The following PIGH variants were observed in gnomAD, a reference collection of about 807,000 sequenced individuals.
PIGH encodes phosphatidylinositol N-acetylglucosaminyltransferase subunit H.
A neutral mutation model predicts 20.1 loss-of-function variants in PIGH; 11 were observed. The observed-to-expected ratio is 0.55, with a 90% CI of 0.34 to 0.91. The LOEUF (loss-of-function observed/expected upper bound fraction) is 0.91, where lower values mean the gene tolerates loss of function less well. PIGH is among the 40% of genes least tolerant of loss of function. PIGH has a pLI of 0.02. For missense variants in PIGH, 189 were observed against 233.6 expected, an observed-to-expected ratio of 0.81 and a Z score of 1.24; for synonymous variants, 72 against 93.1, an observed-to-expected ratio of 0.77 and a Z score of 1.31.
chr14:67,598,604 T>C (rs8007199), intron 1 of PIGH, among the ~76,000 whole-genome samples: 63,850 of 151,986 alleles, frequency 0.42, 15,466 homozygotes, highest in Non-Finnish European at 0.56. Context: ...ACCACATACA[T>C]AGGCTATAAG....
rs982964938 is a variant in PIGH at position 67,589,871 on chromosome 14, G to A, written c.*209C>T. The A allele has an allele frequency of 8.8e-5, 107 of 1,221,848 alleles. No homozygotes were observed. Among genetic ancestry groups the A allele is most frequent in the African/African-American group, 3.1e-5 (2 of 64,262 alleles). The allele number at this position is 1,221,848 out of a possible 1,614,324, so 75.7% of individuals were successfully genotyped here. On this transcript the variant is annotated 3_prime_UTR_variant, in exon 4 of 4. Transcript: ENST00000216452. ...AGGTCTCCCCTCCTTTGGTAAAGTA[G>A]GCAAAACCTTACAAGGAAAACACTA...
Position 67,593,828 on chromosome 14 carries a change from G to A in PIGH, c.305C>T (p.Ser102Leu). ...GCTTTCTTTGCCTGAAGCATAAGAT[G>A]AAGTCATCTGAATGCCAAGGGAATC... is the stretch of plus-strand genomic sequence containing the variant. ...IIDSLGIQMTSSYASGKESTT... is the reference protein window; with the variant it reads ...IIDSLGIQMTLSYASGKESTT... The change falls in exon 2 of 4, where the codon TCA becomes TTA. Residue 102 changes from serine (S) to leucine (L), a missense_variant. Physicochemically the swap from Ser to Leu is moderately radical, Grantham distance 145 (BLOSUM62 -2). Coordinates refer to ENST00000216452, the MANE Select transcript of PIGH (RefSeq NM_004569.5). The A allele has an allele frequency of 1.2e-6, 2 of 1,612,978 alleles. No individual in the cohort carries two copies. The highest frequency in any genetic ancestry group is 1.7e-6 in the Non-Finnish European group (2 of 1,178,982).
chr14:67,593,499 AAAAAG>A (rs1594807996), intron 2 of PIGH: 6 of 476,596 alleles, frequency 1.3e-5, no homozygotes, highest in Non-Finnish European at 1.9e-5. Context: ...TCAAAAAAAA[AAAAAG>A]AAAAAAGATA....
chr14:67,597,789 G>A (rs10150890), intron 1 of PIGH, among the ~76,000 whole-genome samples: 118,208 of 151,618 alleles, frequency 0.78, 46,302 homozygotes, highest in Middle Eastern at 0.84. Flanking sequence ...AAAGCACACA[G>A]GAATATCCCA....
intron 1 of PIGH, among the ~76,000 whole-genome samples, chr14:67,594,497 A>G (rs1350646443): frequency 6.6e-6 from 1 of 151,994 alleles, no homozygotes; most frequent in Non-Finnish European, 1.5e-5. Context: ...AAATACAAAA[A>G]GTAGCTGGGC....
intron 3 of PIGH, chr14:67,592,348 G>A: frequency 2.2e-6 from 1 of 449,048 alleles, no homozygotes; most frequent in Non-Finnish European, 4.1e-6. Flanking sequence ...GCTGAGGCAG[G>A]AGGATTTCTT....
At chr14:67,591,657 C>T (rs902773065) in intron 3 of PIGH, among the ~76,000 whole-genome samples, 3 of 152,110 alleles carry the variant, frequency 2.0e-5, no homozygotes, top group Non-Finnish European at 4.4e-5. Flanking sequence ...TCAGCTTCCC[C>T]AGTAGCTGGG....
chr14:67,596,295 ATTTTTTTT>A (rs772451900), intron 1 of PIGH, among the ~76,000 whole-genome samples: 5 of 60,228 alleles, frequency 8.3e-5, no homozygotes, highest in Admixed American at 3.0e-4. Context: ...CGCCCAGCTA[ATTTTTTTT>A]TTTTTTTTTT....
chr14:67,592,553 A>G, intron 3 of PIGH, 82 bp downstream of exon 3: 1 of 852,730 alleles, frequency 1.2e-6, no homozygotes, highest in Non-Finnish European at 2.0e-6. Flanking sequence ...GGTATCTTCC[A>G]ATACTCTGAC....
chr14:67,597,455 G>A (rs917155849), intron 1 of PIGH, among the ~76,000 whole-genome samples: 1 of 151,732 alleles, frequency 6.6e-6, no homozygotes, highest in African/African-American at 2.4e-5. Context: ...TCCAGCCTGG[G>A]CAACAGAGTG....
chr14:67,591,195 T>A (rs1594806326), intron 3 of PIGH, among the ~76,000 whole-genome samples: 1 of 152,142 alleles, frequency 6.6e-6, no homozygotes, highest in East Asian at 1.9e-4. Flanking sequence ...CAAGGAAATA[T>A]GAAAAGCCTA....
chr14:67,590,157 G>T lies in PIGH; in HGVS notation c.490C>A (p.Leu164Met). The change falls in exon 4 of 4, where the codon CTG becomes ATG. Residue 164 changes from leucine to methionine, a missense_variant. Transcript: ENST00000216452. Reference sequence around the variant, plus strand: ...CTGTATACTTCAATCAAGCAGTCCAGCCGGGGCTTGGCACTCTGAATTCCA... The same window carrying T: ...CTGTATACTTCAATCAAGCAGTCCATCCGGGGCTTGGCACTCTGAATTCCA... ...VPVFQSAKPR[L>M]DCLIEVYRSC... The T allele has an allele frequency of 4.5e-6, 7 of 1,550,846 alleles. No individual in the cohort carries two copies. Among genetic ancestry groups the T allele is most frequent in the Non-Finnish European group, 6.1e-6 (7 of 1,146,716 alleles).
Position 67,589,995 on chromosome 14 carries a change from A to T in PIGH, c.*85T>A, listed in dbSNP as rs2036320167. The T allele has an allele frequency of 1.4e-6, 2 of 1,464,502 alleles. No individual in the cohort carries two copies. The highest frequency in any genetic ancestry group is 2.8e-5 in the South Asian group (2 of 70,374). 90.7% of individuals were successfully genotyped at this position (1,464,502 alleles called of 1,614,324 possible). On this transcript the variant is annotated 3_prime_UTR_variant, in exon 4 of 4. Transcript: ENST00000216452. ...TGGTTCCTAGGACTGTGTCCACCTG[A>T]TGGTTTGGAGTACGGAAAACCAGCC...
rs1041617530 is a variant in PIGH, at chr14:67,590,003, G to C, written c.*77C>G. The C allele has an allele frequency of 1.4e-6, 2 of 1,475,978 alleles. No homozygotes were observed. The highest frequency in any genetic ancestry group is 2.8e-5 in the African/African-American group (2 of 70,592). The allele number at this position is 1,475,978 out of a possible 1,614,324, so 91.4% of individuals were successfully genotyped here. ...AGGACTGTGTCCACCTGATGGTTTG[G>C]AGTACGGAAAACCAGCCCCTATGGC... is the stretch of plus-strand genomic sequence containing the variant. On this transcript the variant is annotated 3_prime_UTR_variant, in exon 4 of 4. Coordinates refer to ENST00000216452, the MANE Select transcript of PIGH (RefSeq NM_004569.5).
At chr14:67,593,690 G>T in intron 2 of PIGH, 53 bp downstream of exon 2, 1 of 1,026,046 alleles carries the variant, frequency 9.7e-7, no homozygotes, top group Non-Finnish European at 1.5e-6. Flanking sequence ...ACATCCCATG[G>T]GCTGGCTACC....
intron 1 of PIGH, among the ~76,000 whole-genome samples, chr14:67,596,904 TC>T (rs2036486010): frequency 1.3e-5 from 2 of 152,246 alleles, no homozygotes; most frequent in African/African-American, 4.8e-5. Context: ...AAGTCTCTTT[TC>T]CCCTACTGTA....
chr14:67,596,598 C>G (rs1029755778), intron 1 of PIGH, among the ~76,000 whole-genome samples: 1 of 152,124 alleles, frequency 6.6e-6, no homozygotes, highest in Admixed American at 6.5e-5. Context: ...TAGTCAGGTT[C>G]CTCTAAGCTG....
chr14:67,597,386 G>A (rs1204686476), intron 1 of PIGH, among the ~76,000 whole-genome samples: 1 of 152,072 alleles, frequency 6.6e-6, no homozygotes, highest in Non-Finnish European at 1.5e-5. Flanking sequence ...GCTGAGATAA[G>A]AGGATCGCTT....
chr14:67,598,518 CTAAAG>C (rs2036514923), intron 1 of PIGH, among the ~76,000 whole-genome samples: 1 of 146,744 alleles, frequency 6.8e-6, no homozygotes, highest in Non-Finnish European at 1.5e-5. Flanking sequence ...CGTTCTAGGG[CTAAAG>C]TAAGGAATTC....
Sources: gnomAD v4.1 joint callset for allele counts (sites outside exome capture counted in the v4.1 genomes callset) on GRCh38, gnomAD v4.1.1 for gene constraint, MANE v1.5 for transcripts, NCBI Gene and HGNC (gene_info 2026-07-23, HGNC 2026-07-21) for gene names.